RGS5: variants seen among roughly 807,000 people sequenced by gnomAD.
RGS5 encodes regulator of G protein signaling 5.
A neutral mutation model predicts 18.9 loss-of-function variants in RGS5; 20 were observed. The observed-to-expected ratio is 1.06, with a 90% CI of 0.74 to 1.54. RGS5 has a LOEUF of 1.54. Among genes scored for constraint, RGS5 ranks in the 40% most tolerant of loss-of-function variants. The probability of loss-of-function intolerance (pLI) is 0.00; values close to 1 mark genes in which losing one functional copy is unlikely to be tolerated. For synonymous variants in RGS5, 57 were observed against 76.2 expected (o/e 0.75, Z 1.31); for missense variants, 201 against 211.8 (o/e 0.95, Z 0.32).
At chr1:163,272,803 C>T (rs1648753849) in intron 2 of RGS5, among the ~76,000 whole-genome samples, 1 of 152,030 alleles carries the variant, frequency 6.6e-6, no homozygotes, top group Non-Finnish European at 1.5e-5. Context: ...TATCTTTATG[C>T]TAGTACCACA....
At chr1:163,179,382 T>C (rs982747350) in intron 1 of RGS5, among the ~76,000 whole-genome samples, 9 of 152,206 alleles carry the variant, frequency 5.9e-5, no homozygotes, top group Non-Finnish European at 1.2e-4. Context: ...GAAACACTAA[T>C]ATTAGTGCCC....
chr1:163,266,335 G>A (rs1243596746), intron 2 of RGS5, among the ~76,000 whole-genome samples: 2 of 151,990 alleles, frequency 1.3e-5, no homozygotes, highest in Admixed American at 6.6e-5. Context: ...TACTTAGTTC[G>A]GGCCTCATCA....
upstream of RGS5, among the ~76,000 whole-genome samples, chr1:163,204,471 T>G (rs967548263): frequency 1.3e-5 from 2 of 152,062 alleles, no homozygotes; most frequent in African/African-American, 4.8e-5. Context: ...CACCTTAGCC[T>G]CCTAAGTAAC....
chr1:163,186,599 A>AAAAAG (rs1191925985), intron 1 of RGS5, among the ~76,000 whole-genome samples: 11 of 89,844 alleles, frequency 1.2e-4, no homozygotes, highest in African/African-American at 6.0e-4. Flanking sequence ...AAAAAAAAAG[A>AAAAAG]AAAAGAAAAG....
At chr1:163,149,209 A>T (rs1657275299) in intron 4 of RGS5, among the ~76,000 whole-genome samples, 1 of 152,222 alleles carries the variant, frequency 6.6e-6, no homozygotes, top group African/African-American at 2.4e-5. Context: ...TCTGCCTTTA[A>T]ATGTGAAGAC....
rs548423320 is a variant in RGS5, at chr1:163,185,865, CT to C, written c.44+16926del. On this transcript the variant is annotated intron_variant, in intron 1 of 4. Coordinates refer to ENST00000313961, the MANE Select transcript of RGS5 (RefSeq NM_003617.4). The stretch of plus-strand genomic sequence containing the variant: ...TGTGACCCCGTGACCTCACAGAGAA[CT>C]TAGATAATTTGCTCAAATTCACCAA... Among the ~76,000 whole-genome samples, 422 of 152,242 alleles carry C rather than the reference CT, an allele frequency of 2.8e-3. 4 individuals carry two copies. Among genetic ancestry groups the C allele is most frequent in the African/African-American group, 8.7e-3 (362 of 41,516 alleles).
At chr1:163,174,009 G>A (rs1658428461) in intron 1 of RGS5, among the ~76,000 whole-genome samples, 1 of 152,168 alleles carries the variant, frequency 6.6e-6, no homozygotes, top group Non-Finnish European at 1.5e-5. Flanking sequence ...CCAGGAGGTG[G>A]AGGTTGCAGT....
intron 2 of RGS5, among the ~76,000 whole-genome samples, chr1:163,163,076 T>C (rs1462456215): frequency 6.6e-6 from 1 of 151,974 alleles, no homozygotes; most frequent in Non-Finnish European, 1.5e-5. Flanking sequence ...ATTTGCAGCT[T>C]TGGTTGATAT....
At chr1:163,250,609 GA>G (rs1311355968) in intron 2 of RGS5, among the ~76,000 whole-genome samples, 3 of 152,280 alleles carry the variant, frequency 2.0e-5, no homozygotes, top group Middle Eastern at 3.4e-3. Context: ...GAACTTTCAA[GA>G]TTTGGCCTTC....
chr1:163,264,725 A>G (rs1258330009), intron 2 of RGS5, among the ~76,000 whole-genome samples: 2 of 152,148 alleles, frequency 1.3e-5, no homozygotes, highest in Non-Finnish European at 2.9e-5. Flanking sequence ...ATATCTGATT[A>G]TGATCTCCTA....
At chr1:163,194,470 T>C (rs527884121) in intron 1 of RGS5, among the ~76,000 whole-genome samples, 46 of 152,248 alleles carry the variant, frequency 3.0e-4, no homozygotes, top group African/African-American at 1.0e-3. Context: ...TAACAGACCA[T>C]ATAATTGATC....
intron 2 of RGS5, among the ~76,000 whole-genome samples, chr1:163,227,792 G>C (rs1462954895): frequency 6.6e-6 from 1 of 152,132 alleles, no homozygotes; most frequent in Admixed American, 6.5e-5. Context: ...ACAGGCATTG[G>C]GTAAATGTTC....
chr1:163,300,092 A>T (rs1237150499), intron 2 of RGS5, among the ~76,000 whole-genome samples: 1 of 152,250 alleles, frequency 6.6e-6, no homozygotes, highest in African/African-American at 2.4e-5. Flanking sequence ...CAGTGAAATT[A>T]TCTCTTTTCT....
chr1:163,291,561 G>A (rs1649288628), intron 2 of RGS5, among the ~76,000 whole-genome samples: 1 of 152,128 alleles, frequency 6.6e-6, no homozygotes, highest in Non-Finnish European at 1.5e-5. Flanking sequence ...ACTTCAGCAG[G>A]TAACATCACT....
At position 163,223,728 on chromosome 1, in the gene RGS5, C is replaced by T. The variant is rs560853812; in HGVS notation, c.-280-55360G>A. ...ACATAAGCCAAGGTTATATTCCATA[C>T]TCCTTGATGTACACATTCCACCAAT... On this transcript the variant is annotated intron_variant, in intron 2 of 5. Coordinates refer to the RGS5 transcript ENST00000618415. 1.3e-4 allele frequency among the ~76,000 whole-genome samples: 20 copies of T among 152,268 alleles called. No individual in the cohort carries two copies. The South Asian group carries it at 4.1e-3, about 32-fold the overall frequency.
intron 1 of RGS5, among the ~76,000 whole-genome samples, chr1:163,171,434 T>G (rs549520640): frequency 6.6e-6 from 1 of 152,290 alleles, no homozygotes; most frequent in South Asian, 2.1e-4. Context: ...ATGCTGCAAC[T>G]GTTTTCAGTT....
intron 1 of RGS5, among the ~76,000 whole-genome samples, chr1:163,190,090 C>T (rs1385691985): frequency 6.6e-6 from 1 of 152,126 alleles, no homozygotes; most frequent in Non-Finnish European, 1.5e-5. Flanking sequence ...ACACAGAAGA[C>T]ATGTAAATCT....
chr1:163,273,364 C>T (rs922951921), intron 2 of RGS5, among the ~76,000 whole-genome samples: 15 of 152,032 alleles, frequency 9.9e-5, no homozygotes, highest in Non-Finnish European at 1.5e-4. Flanking sequence ...GTTGTCTATA[C>T]TTTCAATTCT....
At chr1:163,308,637 A>G (rs1263773870) in intron 1 of RGS5, 2 of 152,226 alleles carry the variant, frequency 1.3e-5, no homozygotes, top group African/African-American at 4.8e-5. Flanking sequence ...GTTCACTGTC[A>G]TGAGAATAAA....
Sources: allele counts gnomAD v4.1 joint callset (sites outside exome capture counted in the v4.1 genomes callset), GRCh38; gene constraint gnomAD v4.1.1; transcripts MANE v1.5; gene names NCBI Gene and HGNC (gene_info 2026-07-23, HGNC 2026-07-21).